Variants in PAPPA observed in about 807,000 individuals in gnomAD.
PAPPA encodes pappalysin 1.
Under a neutral mutation model 164.0 loss-of-function variants are expected in PAPPA, and 60 were observed. The ratio of observed to expected loss-of-function variants is 0.37; its 90% CI spans 0.30 to 0.45. PAPPA has a LOEUF of 0.45. Among genes scored for constraint, PAPPA ranks in the 20% least tolerant of loss-of-function variants. PAPPA has a pLI of 1.00. For missense variants in PAPPA, 1,782 were observed against 2,087.3 expected (o/e 0.85, Z 2.85); for synonymous variants, 875 against 814.1 (o/e 1.07, Z -1.27).
At chr9:116,262,795 C>A (rs1845018451) in intron 7 of PAPPA, among the ~76,000 whole-genome samples, 1 of 152,136 alleles carries the variant, frequency 6.6e-6, no homozygotes, top group African/African-American at 2.4e-5. Context: ...CTGAAAGGAA[C>A]AACTTGACAA....
At chr9:116,336,480 A>C (rs1056056580) in intron 13 of PAPPA, among the ~76,000 whole-genome samples, 5 of 152,154 alleles carry the variant, frequency 3.3e-5, no homozygotes, top group African/African-American at 1.2e-4. Context: ...AAATAAGTTA[A>C]TTCTCAGAGC....
chr9:116,326,902 C>A (rs1845927351), intron 10 of PAPPA, among the ~76,000 whole-genome samples: 1 of 152,178 alleles, frequency 6.6e-6, no homozygotes, highest in Non-Finnish European at 1.5e-5. Context: ...CCTCTTATTG[C>A]AGATTGCAGA....
At chr9:116,229,858 G>A (rs1268515812) in intron 6 of PAPPA, among the ~76,000 whole-genome samples, 1 of 152,202 alleles carries the variant, frequency 6.6e-6, no homozygotes, top group Non-Finnish European at 1.5e-5. Context: ...TTATGGGGTT[G>A]AGAGGTACTT....
intron 7 of PAPPA, among the ~76,000 whole-genome samples, chr9:116,241,820 C>G (rs898407784): frequency 3.3e-5 from 5 of 152,134 alleles, no homozygotes. Context: ...ACAGGTGGCT[C>G]TTACATGCTG....
In PAPPA at chr9:116,353,694, CCCACCTCCA is replaced by C; in HGVS notation, c.4252_4260del (p.Pro1418_Pro1420del). ...GAGCTTGTGTTCCTGTGACCTGTGACCCACCTCCACCAAAATTCCATGGGCTCTACCAGT... is the reference window on the plus strand; with the variant it reads ...GAGCTTGTGTTCCTGTGACCTGTGACCCAAAATTCCATGGGCTCTACCAGT... On this transcript the variant is annotated inframe_deletion, in exon 17 of 22. Coordinates refer to ENST00000328252, the MANE Select transcript of PAPPA (RefSeq NM_002581.5). 1 of 1,614,034 alleles carries C rather than the reference CCCACCTCCA, an allele frequency of 6.2e-7. No individual in the cohort carries two copies. Among genetic ancestry groups the C allele is most frequent in the Non-Finnish European group, 8.5e-7 (1 of 1,179,944 alleles).
chr9:116,311,499 T>C (rs1387788551), intron 10 of PAPPA, among the ~76,000 whole-genome samples: 2 of 152,222 alleles, frequency 1.3e-5, no homozygotes, highest in Non-Finnish European at 2.9e-5. Flanking sequence ...GATTTTTCTT[T>C]CCACTTGGGC....
chr9:116,275,814 T>A (rs1300333365), intron 9 of PAPPA, among the ~76,000 whole-genome samples: 1 of 152,164 alleles, frequency 6.6e-6, no homozygotes, highest in Non-Finnish European at 1.5e-5. Context: ...GGTGACAGAT[T>A]TATGGTGACA....
In PAPPA at chr9:116,367,182, G is replaced by C. The variant is rs528783428; in HGVS notation, c.4496-463G>C. 3.3e-5 allele frequency among the ~76,000 whole-genome samples: 5 copies of C among 152,306 alleles called. No individual in the cohort carries two copies. The East Asian group carries it at 9.7e-4, about 29-fold the overall frequency. On this transcript the variant is annotated intron_variant, in intron 18 of 21. Transcript: ENST00000328252. ...AGATTGGGGGACATTTCAGGAGATG[G>C]GATGAACAAGAGAAGAAGCACAGAG...
At chr9:116,177,416 T>C (rs749482474) in intron 1 of PAPPA, among the ~76,000 whole-genome samples, 1 of 152,248 alleles carries the variant, frequency 6.6e-6, no homozygotes, top group Non-Finnish European at 1.5e-5. Context: ...TAATTGGTGC[T>C]TTCTACTTGC....
chr9:116,275,420 C>T lies in PAPPA; in HGVS notation c.2953+4004C>T, dbSNP rs149315342. ...ACGCATCTTTGTTTTCTGTGAACTA[C>T]GGGTCGTCTCTTGTTTCCGTATGTG... On this transcript the variant is annotated intron_variant, in intron 9 of 21. Coordinates refer to ENST00000328252, the MANE Select transcript of PAPPA (RefSeq NM_002581.5). Among the ~76,000 whole-genome samples, 940 of 152,258 alleles carry T rather than the reference C, an allele frequency of 6.2e-3. 10 individuals are homozygous for T. The highest frequency in any genetic ancestry group is 0.027 in the Middle Eastern group (8 of 294).
chr9:116,329,450 A>T (rs1010212845), intron 10 of PAPPA, among the ~76,000 whole-genome samples: 1 of 152,168 alleles, frequency 6.6e-6, no homozygotes, highest in African/African-American at 2.4e-5. Context: ...CAAGTTTTTC[A>T]TATTTGCTTC....
intron 7 of PAPPA, among the ~76,000 whole-genome samples, chr9:116,242,170 G>A (rs569477162): frequency 3.3e-5 from 5 of 152,180 alleles, no homozygotes; most frequent in African/African-American, 7.2e-5. Flanking sequence ...TGAGGAGCAC[G>A]GGGGGCAGGG....
rs1231847924 is a variant in PAPPA, at chr9:116,288,545, C to T, written c.2954-14212C>T. Reference sequence around the variant, plus strand: ...TACTGAGAGATGAGAAAGACATATACACACCTTGTTAAAGAAGAAAATTAC... The same window carrying T: ...TACTGAGAGATGAGAAAGACATATATACACCTTGTTAAAGAAGAAAATTAC... On this transcript the variant is annotated intron_variant, in intron 9 of 21. Coordinates refer to ENST00000328252, the MANE Select transcript of PAPPA (RefSeq NM_002581.5). 6 of 148,302 alleles carry T rather than the reference C, an allele frequency of 4.0e-5. No individual in the cohort carries two copies. In the East Asian group the frequency reaches 8.3e-4, roughly 21 times the overall value. The allele number at this position is 148,302 out of a possible 1,614,324, so 9.2% of individuals were successfully genotyped here. A position where few individuals can be genotyped will look rare whatever the true frequency, so the allele number is the denominator to read the frequency against.
At chr9:116,206,692 A>G (rs1844239919) in intron 2 of PAPPA, among the ~76,000 whole-genome samples, 1 of 152,162 alleles carries the variant, frequency 6.6e-6, no homozygotes, top group Non-Finnish European at 1.5e-5. Flanking sequence ...GAAATGGCAA[A>G]TGAGAGACAG....
At chr9:116,311,472 C>A (rs1018599502) in intron 10 of PAPPA, among the ~76,000 whole-genome samples, 2 of 152,166 alleles carry the variant, frequency 1.3e-5, no homozygotes, top group African/African-American at 4.8e-5. Flanking sequence ...AATAAAGTGA[C>A]AGGTTATGTA....
Position 116,188,132 on chromosome 9 carries a change from G to A in PAPPA, c.1394G>A (p.Arg465Gln), listed in dbSNP as rs768681198. The stretch of plus-strand genomic sequence containing the variant: ...TGTGACATGGACTGCAACTATGAAC[G>A]GTTCAACTTTGATGGTGGAGAGTGC... ...GVCDMDCNYE[R>Q]FNFDGGECCD... The change falls in exon 2 of 22, where the codon CGG becomes CAG. Residue 465 changes from arginine to glutamine, a missense_variant. Coordinates refer to ENST00000328252, the MANE Select transcript of PAPPA (RefSeq NM_002581.5). 3.1e-6 allele frequency: 5 copies of A among 1,614,020 alleles called. No individual in the cohort carries two copies. Among genetic ancestry groups the A allele is most frequent in the East Asian group, 2.2e-5 (1 of 44,878 alleles).
intron 17 of PAPPA, among the ~76,000 whole-genome samples, chr9:116,356,531 T>G (rs1285870557): frequency 6.6e-6 from 1 of 152,254 alleles, no homozygotes; most frequent in African/African-American, 2.4e-5. Context: ...AGCCCTCTGC[T>G]GGCTAGCTCT....
chr9:116,178,297 A>G, intron 1 of PAPPA, among the ~76,000 whole-genome samples: 1 of 151,958 alleles, frequency 6.6e-6, no homozygotes, highest in Non-Finnish European at 1.5e-5. Context: ...TAGTAGAGAC[A>G]GGGTTTCATC....
intron 13 of PAPPA, among the ~76,000 whole-genome samples, 197 bp from the exon 14 acceptor site, chr9:116,344,346 G>T (rs1846178385): frequency 1.3e-5 from 2 of 152,154 alleles, no homozygotes; most frequent in African/African-American, 2.4e-5. Context: ...TTTGTCTGTT[G>T]CCATAACTTG....
Sources: gnomAD v4.1 joint callset for allele counts (sites outside exome capture counted in the v4.1 genomes callset) on GRCh38, gnomAD v4.1.1 for gene constraint, MANE v1.5 for transcripts, NCBI Gene and HGNC (gene_info 2026-07-23, HGNC 2026-07-21) for gene names.